Variants in FLNB observed in about 807,000 individuals in gnomAD.
FLNB encodes filamin-B.
FLNB carries 111 observed loss-of-function variants against 250.6 expected under a neutral mutation model. That is an observed-to-expected ratio of 0.44 (90% CI 0.38 to 0.52). The LOEUF is 0.52. FLNB is among the 20% of genes least tolerant of loss of function. The pLI is 0.00. For missense variants in FLNB, 2,869 were observed against 3,447.8 expected (o/e 0.83, Z 4.20); for synonymous variants, 1,302 against 1,372.1 (o/e 0.95, Z 1.13).
chr3:58,079,284 G>GCA (rs2097205806), intron 3 of FLNB, among the ~76,000 whole-genome samples: 2 of 146,342 alleles, frequency 1.4e-5, no homozygotes, highest in South Asian at 4.3e-4. Context: ...ATGGAGTCTC[G>GCA]CTTTGTCGCC....
chr3:58,163,784 C>T (rs1484172701), intron 43 of FLNB: 4 of 168,268 alleles, frequency 2.4e-5, no homozygotes. Flanking sequence ...CCTATCTCCT[C>T]CTCTTTTTAC....
chr3:58,170,462 T>C lies in FLNB; in HGVS notation c.7622-113T>C. 3 of 1,045,104 alleles carry C rather than the reference T, an allele frequency of 2.9e-6. No homozygotes were observed. The East Asian group carries it at 7.8e-5, about 27-fold the overall frequency. The allele number at this position is 1,045,104 out of a possible 1,614,324, so 64.7% of individuals were successfully genotyped here. A position where few individuals can be genotyped will look rare whatever the true frequency, so the allele number is the denominator to read the frequency against. Reference sequence around the variant, plus strand: ...TGTAATTGCCACGCTCTCCCACCTCTTAGGGGCCCCAGCATTATCGTGGAA... The same window carrying C: ...TGTAATTGCCACGCTCTCCCACCTCCTAGGGGCCCCAGCATTATCGTGGAA... On this transcript the variant is annotated intron_variant, in intron 45 of 45. Transcript: ENST00000295956.
intron 41 of FLNB, among the ~76,000 whole-genome samples, 199 bp from the exon 42 acceptor site, chr3:58,159,355 A>G (rs915865076): frequency 1.3e-5 from 2 of 152,222 alleles, no homozygotes; most frequent in African/African-American, 4.8e-5. Context: ...GATGGTTTGC[A>G]TAAGAGACCA....
intron 1 of FLNB, among the ~76,000 whole-genome samples, chr3:58,064,433 A>G (rs1282959245): frequency 1.3e-5 from 2 of 152,184 alleles, no homozygotes; most frequent in African/African-American, 4.8e-5. Flanking sequence ...AAGTGCTGGC[A>G]TTATAGGCAT....
chr3:58,045,689 T>C (rs1225514161), intron 1 of FLNB, among the ~76,000 whole-genome samples: 3 of 152,070 alleles, frequency 2.0e-5, no homozygotes, highest in Non-Finnish European at 2.9e-5. Context: ...AACTGTGCTG[T>C]GTAAAATAGA....
In FLNB at chr3:58,121,370, G is replaced by A. The variant is rs1192408721; in HGVS notation, c.2993G>A (p.Gly998Asp). ...CCATGCCTAGTGACACCTGTGACAG[G>A]CCGGGAGAACAGCACGGCCAAGTTC... ...VVPCLVTPVT[G>D]RENSTAKFIP... Residue 998 changes from glycine to aspartate, a missense_variant, in exon 20 of 46, where the codon GGC (glycine) becomes GAC (aspartate). Transcript: ENST00000295956. 1 of 1,614,180 alleles carries A rather than the reference G, an allele frequency of 6.2e-7. No homozygotes were observed. The highest frequency in any genetic ancestry group is 8.5e-7 in the Non-Finnish European group (1 of 1,180,024).
Position 58,098,949 on chromosome 3 carries a change from A to G in FLNB, c.1345+41A>G, listed in dbSNP as rs1019392465. 2.6e-6 allele frequency: 4 copies of G among 1,560,194 alleles called. No homozygotes were observed. The African/African-American group carries it at 5.4e-5, about 21-fold the overall frequency. ...CTGGCCACATGTGCTTCTCATAGGG[A>G]AGCTGACTGCACAGCTGGGCAGGGA... On this transcript the variant is annotated intron_variant, in intron 8 of 45. Coordinates refer to ENST00000295956, the MANE Select transcript of FLNB (RefSeq NM_001457.4).
intron 4 of FLNB, among the ~76,000 whole-genome samples, chr3:58,088,527 G>A (rs2097220997): frequency 6.6e-6 from 1 of 152,190 alleles, no homozygotes; most frequent in East Asian, 1.9e-4. Context: ...ACCAACCAGG[G>A]ATCTTGGGAC....
chr3:58,149,829 C>A, intron 36 of FLNB, 21 bp from the exon 37 acceptor site: 3 of 1,614,188 alleles, frequency 1.9e-6, no homozygotes, highest in Non-Finnish European at 2.5e-6. Flanking sequence ...GTCAGAACAG[C>A]CTGGGGCTGC....
At chr3:58,126,499 C>T in intron 23 of FLNB, 103 bp from the exon 24 acceptor site, 1 of 1,067,814 alleles carries the variant, frequency 9.4e-7, no homozygotes, top group Non-Finnish European at 1.4e-6. Context: ...GTTGGGGTGG[C>T]TACGTGGAAT....
Position 58,050,654 on chromosome 3 carries a change from T to G in FLNB, c.293-26392T>G, listed in dbSNP as rs546408044. 2.0e-5 allele frequency among the ~76,000 whole-genome samples: 3 copies of G among 152,314 alleles called. No homozygotes were observed. The South Asian group carries it at 6.2e-4, about 32-fold the overall frequency. ...TCATGGGTGAGCAGATGGGAGGCAC[T>G]GAGCTTGATTCTGAAACCCTGGCCT... On this transcript the variant is annotated intron_variant, in intron 1 of 45. Transcript: ENST00000295956.
At position 58,094,830 on chromosome 3, in the gene FLNB, T is replaced by C; in HGVS notation, c.788-6T>C. ...CTTCTAACATGTCTGTGTAAACCTG[T>C]GGCAGGAATCGAGCCCACTGGAAAC... On this transcript the variant is annotated splice_region_variant and splice_polypyrimidine_tract_variant and intron_variant, in intron 4 of 45. Coordinates refer to ENST00000295956, the MANE Select transcript of FLNB (RefSeq NM_001457.4). The C allele has an allele frequency of 6.2e-7, 1 of 1,612,502 alleles. No individual in the cohort carries two copies. Among genetic ancestry groups the C allele is most frequent in the Non-Finnish European group, 8.5e-7 (1 of 1,178,540 alleles).
At chr3:58,140,256 A>G (rs2097324562) in intron 29 of FLNB, among the ~76,000 whole-genome samples, 1 of 152,228 alleles carries the variant, frequency 6.6e-6, no homozygotes, top group Non-Finnish European at 1.5e-5. Context: ...TTCTTCAAAT[A>G]CACTACTCAC....
At chr3:58,028,876 A>G (rs1320751440) in intron 1 of FLNB, among the ~76,000 whole-genome samples, 2 of 151,842 alleles carry the variant, frequency 1.3e-5, no homozygotes, top group African/African-American at 4.8e-5. Flanking sequence ...TCAGTCTCAC[A>G]AAGTGTTGGG....
intron 11 of FLNB, among the ~76,000 whole-genome samples, chr3:58,106,350 T>C (rs1034475952): frequency 2.8e-4 from 22 of 77,216 alleles, no homozygotes; most frequent in African/African-American, 1.3e-3. Flanking sequence ...ATGTATTTAA[T>C]ACTATATATA....
Position 58,094,742 on chromosome 3 carries a change from C to G in FLNB, c.788-94C>G, listed in dbSNP as rs547945493. ...CCACATGGGATCTGCAGGGCTGGGT[C>G]CCATCTCTCAGTTCCCTGAAAGAGA... On this transcript the variant is annotated intron_variant, in intron 4 of 45. Transcript: ENST00000295956. 8 of 1,036,148 alleles carry G rather than the reference C, an allele frequency of 7.7e-6. No homozygotes were observed. The African/African-American group carries it at 1.1e-4, about 14-fold the overall frequency. 64.2% of individuals were successfully genotyped at this position (1,036,148 alleles called of 1,614,324 possible).
intron 31 of FLNB, 113 bp from the exon 32 acceptor site, chr3:58,143,360 G>C (rs906206594): frequency 4.5e-6 from 5 of 1,102,852 alleles, no homozygotes; most frequent in East Asian, 2.5e-5. Context: ...AGGCAGCAAC[G>C]AATGTTCTTG....
At chr3:58,160,801 T>C (rs1286712782) in intron 42 of FLNB, among the ~76,000 whole-genome samples, 6 of 151,756 alleles carry the variant, frequency 4.0e-5, no homozygotes, top group Non-Finnish European at 8.8e-5. Context: ...GGTAACATAG[T>C]GAGACCCCTT....
chr3:58,118,300 C>T (rs915539451), intron 18 of FLNB, among the ~76,000 whole-genome samples: 1 of 152,208 alleles, frequency 6.6e-6, no homozygotes. Context: ...TCTTGCAAAT[C>T]CCTGTTGCAG....
Sources: gnomAD v4.1 joint callset for allele counts (sites outside exome capture counted in the v4.1 genomes callset) on GRCh38, gnomAD v4.1.1 for gene constraint, MANE v1.5 for transcripts, NCBI Gene and HGNC (gene_info 2026-07-23, HGNC 2026-07-21) for gene names.